Variants in RCAN2 observed in about 807,000 individuals in gnomAD.
RCAN2 encodes the protein calcipressin-2.
A neutral mutation model predicts 23.6 loss-of-function variants in RCAN2; 9 were observed. That is an observed-to-expected ratio of 0.38 (90% CI 0.23 to 0.67). The LOEUF (loss-of-function observed/expected upper bound fraction) is 0.67. Ranked by LOEUF, RCAN2 falls within the 30% of genes least tolerant of loss-of-function variation. The pLI is 0.51. For synonymous variants in RCAN2, 109 were observed against 115.7 expected, an observed-to-expected ratio of 0.94 and a Z score of 0.37; for missense variants, 273 against 302.3, an observed-to-expected ratio of 0.90 and a Z score of 0.72.
rs931514724 is a variant in RCAN2, at chr6:46,221,604, G to T, written c.*1537C>A. The T allele has an allele frequency of 5.8e-5, 14 of 241,864 alleles. No individual in the cohort carries two copies. The highest frequency in any genetic ancestry group is 9.4e-5 in the Non-Finnish European group (12 of 127,122). The allele number at this position is 241,864 out of a possible 1,614,324, so 15.0% of individuals were successfully genotyped here. A position where few individuals can be genotyped will look rare whatever the true frequency, so the allele number is the denominator to read the frequency against. On this transcript the variant is annotated 3_prime_UTR_variant, in exon 5 of 5. Transcript: ENST00000371374. ...TATATTGCTATATTCACAGTAAAAC[G>T]GACTTTAATTTCTGAGTGATCAGTC...
intron 2 of RCAN2, among the ~76,000 whole-genome samples, chr6:46,341,639 A>G (rs573160531): frequency 5.9e-4 from 90 of 151,986 alleles, no homozygotes; most frequent in Non-Finnish European, 1.1e-3. Flanking sequence ...CTCTACTAAA[A>G]ATACAAAAAA....
chr6:46,388,068 C>T (rs932818559), intron 2 of RCAN2, among the ~76,000 whole-genome samples: 1 of 151,650 alleles, frequency 6.6e-6, no homozygotes, highest in Non-Finnish European at 1.5e-5. Context: ...ACACTTGGAC[C>T]CAGGAAGGGG....
intron 2 of RCAN2, among the ~76,000 whole-genome samples, chr6:46,392,054 T>A (rs1220981594): frequency 6.6e-6 from 1 of 152,206 alleles, no homozygotes; most frequent in African/African-American, 2.4e-5. Flanking sequence ...GCCACAAAGA[T>A]TTATGAGATG....
At chr6:46,295,868 A>G (rs1243527824) in intron 2 of RCAN2, among the ~76,000 whole-genome samples, 3 of 152,070 alleles carry the variant, frequency 2.0e-5, no homozygotes, top group Admixed American at 2.0e-4. Context: ...TCTAGACACA[A>G]GTGTTCTCTT....
At chr6:46,383,213 G>A (rs1215636502) in intron 2 of RCAN2, among the ~76,000 whole-genome samples, 1 of 146,696 alleles carries the variant, frequency 6.8e-6, no homozygotes, top group Non-Finnish European at 1.5e-5. Flanking sequence ...GTGTGTACGT[G>A]TGTATGGTAG....
intron 2 of RCAN2, among the ~76,000 whole-genome samples, chr6:46,434,886 G>A (rs1767324259): frequency 6.6e-6 from 1 of 152,180 alleles, no homozygotes; most frequent in South Asian, 2.1e-4. Context: ...ATGGCACAGG[G>A]CAGCCCGCAC....
intron 2 of RCAN2, among the ~76,000 whole-genome samples, chr6:46,298,165 A>G (rs886895870): frequency 6.6e-6 from 1 of 152,160 alleles, no homozygotes; most frequent in African/African-American, 2.4e-5. Flanking sequence ...TTATCTTCTC[A>G]GCAGCTTAGA....
chr6:46,442,061 A>C (rs1767563953), intron 2 of RCAN2, among the ~76,000 whole-genome samples: 1 of 152,212 alleles, frequency 6.6e-6, no homozygotes, highest in Non-Finnish European at 1.5e-5. Context: ...TCACCAAGTC[A>C]ATCAAGAATT....
chr6:46,426,349 A>G (rs1318237435), intron 2 of RCAN2, among the ~76,000 whole-genome samples: 1 of 152,226 alleles, frequency 6.6e-6, no homozygotes, highest in African/African-American at 2.4e-5. Context: ...TGTATAATAG[A>G]CCTTCTCTAG....
chr6:46,235,243 C>T (rs960172514), intron 4 of RCAN2, among the ~76,000 whole-genome samples: 5 of 152,110 alleles, frequency 3.3e-5, no homozygotes, highest in African/African-American at 1.2e-4. Flanking sequence ...ATAAGAAAAA[C>T]TCTATGATGG....
At chr6:46,396,156 AT>A (rs1289330807) in intron 2 of RCAN2, among the ~76,000 whole-genome samples, 1 of 152,130 alleles carries the variant, frequency 6.6e-6, no homozygotes, top group Non-Finnish European at 1.5e-5. Flanking sequence ...ACTTGATTGA[AT>A]TCTGCATTCT....
At position 46,265,072 on chromosome 6, in the gene RCAN2, C is replaced by T. The variant is rs140141299; in HGVS notation, c.226-16176G>A. Among the ~76,000 whole-genome samples the T allele has an allele frequency of 6.2e-3, 941 of 152,276 alleles. 5 individuals are homozygous for T. Among genetic ancestry groups the T allele is most frequent in the Middle Eastern group, 0.017 (5 of 294 alleles). On this transcript the variant is annotated intron_variant, in intron 2 of 4. Coordinates refer to ENST00000371374, the MANE Select transcript of RCAN2 (RefSeq NM_001251974.2). ...TGCATCTCACCCAGTGGGATGGACA[C>T]GTCTTTTGTCTTCATCTAGTTTTTC... is the stretch of plus-strand genomic sequence containing the variant.
chr6:46,448,567 C>G (rs1344425412), intron 2 of RCAN2, among the ~76,000 whole-genome samples: 1 of 151,772 alleles, frequency 6.6e-6, no homozygotes, highest in South Asian at 2.1e-4. Context: ...AACACAGATA[C>G]AAAAATCATC....
intron 1 of RCAN2, among the ~76,000 whole-genome samples, chr6:46,469,697 G>T (rs1313442000): frequency 6.6e-6 from 1 of 152,326 alleles, no homozygotes; most frequent in Non-Finnish European, 1.5e-5. Context: ...CTGGTGGAAT[G>T]CTTGTGCTAT....
At chr6:46,486,823 G>C (rs1334973432) in intron 1 of RCAN2, among the ~76,000 whole-genome samples, 1 of 152,184 alleles carries the variant, frequency 6.6e-6, no homozygotes, top group Non-Finnish European at 1.5e-5. Context: ...ACTGCAGGGA[G>C]TTTGAATTGT....
chr6:46,429,840 G>A (rs1196376771), intron 2 of RCAN2, among the ~76,000 whole-genome samples: 1 of 152,186 alleles, frequency 6.6e-6, no homozygotes, highest in Non-Finnish European at 1.5e-5. Flanking sequence ...ACGAGGTCTT[G>A]CACTGGCACA....
intron 2 of RCAN2, among the ~76,000 whole-genome samples, chr6:46,345,588 G>A (rs1764458654): frequency 6.6e-6 from 1 of 152,028 alleles, no homozygotes. Flanking sequence ...GAACACATGG[G>A]GGTTCCTGAA....
Position 46,434,381 on chromosome 6 carries a change from G to A in RCAN2, c.225+22371C>T, listed in dbSNP as rs558948563. ...GTCTGTGAAGCAAACTCAGAGACAG[G>A]TCTCCTGAGGCCCATGCAGAAACAC... On this transcript the variant is annotated intron_variant, in intron 2 of 4. Coordinates refer to ENST00000371374, the MANE Select transcript of RCAN2 (RefSeq NM_001251974.2). 5.9e-5 allele frequency among the ~76,000 whole-genome samples: 9 copies of A among 152,256 alleles called. No individual in the cohort carries two copies. In the South Asian group the frequency reaches 1.9e-3, roughly 32 times the overall value.
chr6:46,424,091 T>C (rs1312307488), intron 2 of RCAN2, among the ~76,000 whole-genome samples: 1 of 152,196 alleles, frequency 6.6e-6, no homozygotes, highest in African/African-American at 2.4e-5. Context: ...TCATCCCTTT[T>C]ACTTACAAGG....
Sources: allele counts gnomAD v4.1 joint callset (sites outside exome capture counted in the v4.1 genomes callset), GRCh38; gene constraint gnomAD v4.1.1; transcripts MANE v1.5; gene names NCBI Gene and HGNC (gene_info 2026-07-23, HGNC 2026-07-21).